NFIA: variants seen among roughly 807,000 people sequenced by gnomAD.
NFIA encodes the protein nuclear factor I A, also known as nuclear factor 1 A-type.
NFIA carries 8 observed loss-of-function variants against 62.8 expected under a neutral mutation model. That is an observed-to-expected ratio of 0.13 (90% CI 0.07 to 0.23). The LOEUF is 0.23. Ranked by LOEUF, NFIA falls within the 10% of genes least tolerant of loss-of-function variation. The pLI, the probability that NFIA is intolerant of heterozygous loss-of-function variation, is 1.00. For missense variants in NFIA, 410 were observed against 642.1 expected (o/e 0.64, Z 3.91); for synonymous variants, 235 against 238.1 (o/e 0.99, Z 0.12).
At position 61,460,011 on chromosome 1, in the gene NFIA, A is replaced by G. The variant is rs920264095; in HGVS notation, c.*4691A>G. 1 of 152,036 alleles carries G rather than the reference A, an allele frequency of 6.6e-6. No individual in the cohort carries two copies. The allele number at this position is 152,036 out of a possible 1,614,324, so 9.4% of individuals were successfully genotyped here. A position where few individuals can be genotyped will look rare whatever the true frequency, so the allele number is the denominator to read the frequency against. On this transcript the variant is annotated 3_prime_UTR_variant, in exon 11 of 11. Coordinates refer to ENST00000403491, the MANE Select transcript of NFIA (RefSeq NM_001134673.4). Reference sequence around the variant, plus strand: ...TTCTGGTAGCAGGCCTCCATAGAACAAATCTAAAACACAACCACCATAGTA... The same window carrying G: ...TTCTGGTAGCAGGCCTCCATAGAACGAATCTAAAACACAACCACCATAGTA...
intron 3 of NFIA, among the ~76,000 whole-genome samples, chr1:61,308,571 A>C (rs1418550543): frequency 6.6e-6 from 1 of 152,194 alleles, no homozygotes; most frequent in Non-Finnish European, 1.5e-5. Flanking sequence ...GCATAAAGGC[A>C]AACCATGGTA....
chr1:61,136,488 G>A (rs1479239660), intron 2 of NFIA, among the ~76,000 whole-genome samples: 1 of 152,178 alleles, frequency 6.6e-6, no homozygotes, highest in African/African-American at 2.4e-5. Flanking sequence ...TAAAAAGCTT[G>A]AGTAGTATAA....
At chr1:61,234,571 C>G (rs1418343944) in intron 2 of NFIA, among the ~76,000 whole-genome samples, 2 of 152,148 alleles carry the variant, frequency 1.3e-5, no homozygotes, top group Non-Finnish European at 2.9e-5. Flanking sequence ...CTAATCCCTT[C>G]ATAAATACTA....
chr1:61,261,565 A>G (rs138125629), intron 2 of NFIA, among the ~76,000 whole-genome samples: 91 of 152,330 alleles, frequency 6.0e-4, no homozygotes, highest in Admixed American at 1.9e-3. Flanking sequence ...TCAACTTCCA[A>G]TGGATTTATC....
At chr1:61,174,565 T>G (rs1422119818) in intron 2 of NFIA, among the ~76,000 whole-genome samples, 2 of 152,158 alleles carry the variant, frequency 1.3e-5, no homozygotes, top group Non-Finnish European at 2.9e-5. Flanking sequence ...AAAGAGGAAG[T>G]AAGTAAATAA....
chr1:61,393,779 C>G (rs1417172789), intron 7 of NFIA, among the ~76,000 whole-genome samples: 2 of 152,144 alleles, frequency 1.3e-5, no homozygotes, highest in Non-Finnish European at 2.9e-5. Flanking sequence ...CAGGAGATAA[C>G]AGCAAAGCTG....
At chr1:61,436,227 TTA>T (rs1235989288) in intron 10 of NFIA, among the ~76,000 whole-genome samples, 1 of 152,102 alleles carries the variant, frequency 6.6e-6, no homozygotes, top group Non-Finnish European at 1.5e-5. Context: ...GGTTTCTCTT[TTA>T]TGACTTGGAA....
intron 2 of NFIA, among the ~76,000 whole-genome samples, chr1:61,188,908 A>G (rs1210575671): frequency 2.6e-5 from 4 of 152,196 alleles, no homozygotes; most frequent in Non-Finnish European, 5.9e-5. Flanking sequence ...CTTAGGTACA[A>G]TAAGTGCTTC....
At chr1:61,197,707 C>T (rs1009590994) in intron 2 of NFIA, among the ~76,000 whole-genome samples, 3 of 151,792 alleles carry the variant, frequency 2.0e-5, no homozygotes, top group Non-Finnish European at 2.9e-5. Flanking sequence ...GTAGGCATGG[C>T]GCGGTGGCTC....
intron 3 of NFIA, among the ~76,000 whole-genome samples, chr1:61,329,242 T>C (rs112287365): frequency 1.3e-5 from 2 of 149,228 alleles, no homozygotes; most frequent in African/African-American, 4.9e-5. Flanking sequence ...AGAGATGGGT[T>C]TTACCGTATT....
intron 2 of NFIA, among the ~76,000 whole-genome samples, chr1:61,120,460 T>C (rs2100468978): frequency 6.6e-6 from 1 of 152,294 alleles, no homozygotes; most frequent in East Asian, 1.9e-4. Context: ...CTACACAGGG[T>C]TGAGCATTCC....
At chr1:61,449,563 G>A (rs954313071) in intron 10 of NFIA, among the ~76,000 whole-genome samples, 1 of 152,210 alleles carries the variant, frequency 6.6e-6, no homozygotes, top group African/African-American at 2.4e-5. Context: ...GCCAAGGAGT[G>A]GGACAGCCTG....
chr1:61,096,912 A>G (rs1374667013), intron 2 of NFIA, among the ~76,000 whole-genome samples: 2 of 152,172 alleles, frequency 1.3e-5, no homozygotes, highest in Admixed American at 6.5e-5. Context: ...CATAATTTTT[A>G]TAATTGTAAA....
intron 9 of NFIA, among the ~76,000 whole-genome samples, chr1:61,415,924 ACTGAAATAC>A (rs1194112907): frequency 6.6e-6 from 1 of 152,196 alleles, no homozygotes; most frequent in Non-Finnish European, 1.5e-5. Context: ...ACTGGTAATA[ACTGAAATAC>A]CTACCAACTG....
chr1:61,106,933 TACACAC>T (rs1646611646), intron 2 of NFIA, among the ~76,000 whole-genome samples: 1 of 151,050 alleles, frequency 6.6e-6, no homozygotes, highest in Non-Finnish European at 1.5e-5. Context: ...AAATCATATA[TACACAC>T]ATACATATAC....
At chr1:61,360,109 A>G (rs974597463) in intron 6 of NFIA, among the ~76,000 whole-genome samples, 4 of 152,176 alleles carry the variant, frequency 2.6e-5, no homozygotes, top group Non-Finnish European at 4.4e-5. Context: ...TTTAAATGGA[A>G]CAACTCTCTT....
At chr1:61,145,073 G>C (rs991240247) in intron 2 of NFIA, among the ~76,000 whole-genome samples, 1 of 151,914 alleles carries the variant, frequency 6.6e-6, no homozygotes, top group African/African-American at 2.4e-5. Flanking sequence ...TTTAATTAAG[G>C]GGCTTCCAAA....
intron 4 of NFIA, among the ~76,000 whole-genome samples, chr1:61,347,520 C>A (rs550996914): frequency 6.6e-6 from 1 of 152,190 alleles, no homozygotes; most frequent in South Asian, 2.1e-4. Flanking sequence ...TGTCTATTGC[C>A]AAGAAAGCCT....
intron 2 of NFIA, among the ~76,000 whole-genome samples, chr1:61,226,329 A>ACC (rs1654327983): frequency 6.6e-6 from 1 of 152,202 alleles, no homozygotes; most frequent in African/African-American, 2.4e-5. Flanking sequence ...CCATACTAAC[A>ACC]CCTTTTAGTG....
Sources: allele counts gnomAD v4.1 joint callset (sites outside exome capture counted in the v4.1 genomes callset), GRCh38; gene constraint gnomAD v4.1.1; transcripts MANE v1.5; gene names NCBI Gene and HGNC (gene_info 2026-07-23, HGNC 2026-07-21).